The following DLGAP1 variants were observed in gnomAD, a reference collection of about 807,000 sequenced individuals.
DLGAP1 encodes the protein DLG associated protein 1, also known as disks large-associated protein 1.
DLGAP1 carries 11 observed loss-of-function variants against 90.8 expected under a neutral mutation model. That is an observed-to-expected ratio of 0.12 (90% CI 0.08 to 0.20). The LOEUF (loss-of-function observed/expected upper bound fraction) is 0.20. Ranked by LOEUF, DLGAP1 falls within the 10% of genes least tolerant of loss-of-function variation. The probability of loss-of-function intolerance (pLI) is 1.00; values close to 1 mark genes in which losing one functional copy is unlikely to be tolerated. For synonymous variants in DLGAP1, 558 were observed against 540.7 expected, an observed-to-expected ratio of 1.03 and a Z score of -0.44; for missense variants, 1,050 against 1,333.8, an observed-to-expected ratio of 0.79 and a Z score of 3.31.
chr18:4,385,981 T>C (rs1436843221), intron 1 of DLGAP1, among the ~76,000 whole-genome samples: 1 of 152,120 alleles, frequency 6.6e-6, no homozygotes, highest in African/African-American at 2.4e-5. Context: ...ATATATGGAA[T>C]GAGAACTGGG....
chr18:3,509,314 A>T (rs1053879046), intron 10 of DLGAP1, among the ~76,000 whole-genome samples: 1 of 152,142 alleles, frequency 6.6e-6, no homozygotes, highest in Non-Finnish European at 1.5e-5. Context: ...CTGCAGCCCA[A>T]TCATTTTGTT....
rs572846846 is a variant in DLGAP1, at chr18:3,987,915, G to C, written c.-73+17201C>G. ...GGTGCCCAACCTTTTTGGCACCAGGGACTGGTTTCATGGAAGACAATTTTT... is the reference window on the plus strand; with the variant it reads ...GGTGCCCAACCTTTTTGGCACCAGGCACTGGTTTCATGGAAGACAATTTTT... On this transcript the variant is annotated intron_variant, in intron 3 of 12. Transcript: ENST00000315677. 2.6e-5 allele frequency among the ~76,000 whole-genome samples: 4 copies of C among 152,204 alleles called. No homozygotes were observed. The South Asian group carries it at 6.2e-4, about 24-fold the overall frequency.
At chr18:4,402,280 C>T (rs899230606) in intron 1 of DLGAP1, among the ~76,000 whole-genome samples, 1 of 152,166 alleles carries the variant, frequency 6.6e-6, no homozygotes, top group African/African-American at 2.4e-5. Flanking sequence ...GTTAAACTCA[C>T]ATCTATATTA....
At chr18:3,736,438 T>A (rs1340866436) in intron 6 of DLGAP1, among the ~76,000 whole-genome samples, 1 of 152,140 alleles carries the variant, frequency 6.6e-6, no homozygotes, top group East Asian at 1.9e-4. Flanking sequence ...AGCAATTTAG[T>A]TTTTCTAGAC....
chr18:3,914,441 T>C (rs2072100207), intron 3 of DLGAP1, among the ~76,000 whole-genome samples: 2 of 152,238 alleles, frequency 1.3e-5, no homozygotes, highest in African/African-American at 4.8e-5. Flanking sequence ...ACATTTTCTT[T>C]ATCCATTCAT....
At chr18:4,197,202 A>AG (rs1257304152) in intron 1 of DLGAP1, among the ~76,000 whole-genome samples, 1 of 149,656 alleles carries the variant, frequency 6.7e-6, no homozygotes, top group African/African-American at 2.4e-5. Context: ...AAAAAAAAAA[A>AG]AAAAAAGAAA....
intron 3 of DLGAP1, among the ~76,000 whole-genome samples, chr18:3,904,471 C>T (rs1409599865): frequency 6.6e-6 from 1 of 152,146 alleles, no homozygotes; most frequent in Non-Finnish European, 1.5e-5. Flanking sequence ...GGGGTTAAGC[C>T]AAGACAAAAT....
At chr18:3,585,145 GA>G (rs566629624) in intron 7 of DLGAP1, among the ~76,000 whole-genome samples, 1 of 152,192 alleles carries the variant, frequency 6.6e-6, no homozygotes, top group East Asian at 1.9e-4. Context: ...ACGACTCAGG[GA>G]AAATACAGTG....
At chr18:3,779,977 G>T (rs1045706563) in intron 5 of DLGAP1, among the ~76,000 whole-genome samples, 1 of 151,790 alleles carries the variant, frequency 6.6e-6, no homozygotes, top group Non-Finnish European at 1.5e-5. Flanking sequence ...GTAGATACGG[G>T]GTTTCACTAT....
intron 2 of DLGAP1, among the ~76,000 whole-genome samples, chr18:4,129,700 C>T (rs1761126553): frequency 6.6e-6 from 1 of 152,136 alleles, no homozygotes; most frequent in South Asian, 2.1e-4. Context: ...CTACCCACGC[C>T]AATTTAGTAC....
chr18:3,639,350 T>C (rs1314020730), intron 7 of DLGAP1, among the ~76,000 whole-genome samples: 1 of 101,512 alleles, frequency 9.9e-6, no homozygotes, highest in Non-Finnish European at 1.9e-5. Flanking sequence ...CGAGACTCCA[T>C]CTCAAAAAGA....
intron 1 of DLGAP1, among the ~76,000 whole-genome samples, chr18:4,400,969 C>A (rs933042934): frequency 6.6e-6 from 1 of 152,160 alleles, no homozygotes; most frequent in African/African-American, 2.4e-5. Flanking sequence ...CTTATTTTCA[C>A]ACTCAAACAC....
intron 1 of DLGAP1, among the ~76,000 whole-genome samples, chr18:4,218,286 G>C (rs1244752320): frequency 2.0e-5 from 3 of 151,908 alleles, no homozygotes; most frequent in Admixed American, 1.3e-4. Flanking sequence ...ATACTATGCT[G>C]TGTTAATTAT....
At chr18:3,925,742 T>A (rs1261061640) in intron 3 of DLGAP1, among the ~76,000 whole-genome samples, 2 of 152,170 alleles carry the variant, frequency 1.3e-5, no homozygotes, top group Non-Finnish European at 2.9e-5. Context: ...GTTGTTCTCA[T>A]TCATTAACTA....
At chr18:4,035,109 G>A (rs1186790143) in intron 2 of DLGAP1, among the ~76,000 whole-genome samples, 1 of 152,170 alleles carries the variant, frequency 6.6e-6, no homozygotes, top group East Asian at 1.9e-4. Flanking sequence ...CCAAGTCTTT[G>A]CTATTGTGAA....
intron 1 of DLGAP1, among the ~76,000 whole-genome samples, chr18:4,422,056 A>G (rs1013216299): frequency 2.0e-5 from 3 of 152,120 alleles, no homozygotes; most frequent in East Asian, 1.9e-4. Flanking sequence ...TCAGAACTCT[A>G]GCATAAAAAT....
chr18:4,039,865 T>C (rs907024896), intron 2 of DLGAP1, among the ~76,000 whole-genome samples: 3 of 152,236 alleles, frequency 2.0e-5, no homozygotes, highest in Non-Finnish European at 4.4e-5. Flanking sequence ...GTGTGAAAGT[T>C]CTTTTTACAA....
intron 1 of DLGAP1, among the ~76,000 whole-genome samples, chr18:4,244,838 G>A (rs112320508): frequency 0.011 from 1,732 of 152,264 alleles, 39 homozygotes; most frequent in African/African-American, 0.04. Context: ...AGTGATATCC[G>A]CTATCATCCA....
At chr18:3,577,246 C>G (rs936424341) in intron 8 of DLGAP1, among the ~76,000 whole-genome samples, 1 of 152,222 alleles carries the variant, frequency 6.6e-6, no homozygotes, top group Non-Finnish European at 1.5e-5. Context: ...ACCTCACAGT[C>G]TGAGCACGGG....
Sources: allele counts gnomAD v4.1 joint callset (sites outside exome capture counted in the v4.1 genomes callset), GRCh38; gene constraint gnomAD v4.1.1; transcripts MANE v1.5; gene names NCBI Gene and HGNC (gene_info 2026-07-23, HGNC 2026-07-21).